Variants in ADGRL3 observed in about 807,000 individuals in gnomAD.
ADGRL3 encodes the protein calcium-independent alpha-latrotoxin receptor 3.
Under a neutral mutation model 153.5 loss-of-function variants are expected in ADGRL3, and 62 were observed. The ratio of observed to expected loss-of-function variants is 0.40; its 90% CI spans 0.33 to 0.50. ADGRL3 has a LOEUF of 0.50. Among genes scored for constraint, ADGRL3 ranks in the 20% least tolerant of loss-of-function variants. The pLI, the probability that ADGRL3 is intolerant of heterozygous loss-of-function variation, is 0.47. For missense variants in ADGRL3, 1,641 were observed against 1,859.4 expected (o/e 0.88, Z 2.16); for synonymous variants, 710 against 672.5 (o/e 1.06, Z -0.86).
At position 61,777,255 on chromosome 4, in the gene ADGRL3, C is replaced by G. The variant is rs138039916; in HGVS notation, c.1400-36554C>G. ...GGCTGAGGCAGGAGAATGGCCTGAA[C>G]CTGCGAGGCGGAGCTTTCAGTGAGC... On this transcript the variant is annotated intron_variant, in intron 8 of 26. Transcript: ENST00000683033. 5.9e-3 allele frequency among the ~76,000 whole-genome samples: 897 copies of G among 152,158 alleles called. 11 individuals carry two copies. The highest frequency in any genetic ancestry group is 0.02 in the African/African-American group (843 of 41,508).
At chr4:61,477,159 C>T (rs2098073816) in intron 2 of ADGRL3, among the ~76,000 whole-genome samples, 1 of 151,984 alleles carries the variant, frequency 6.6e-6, no homozygotes, top group African/African-American at 2.4e-5. Context: ...ATAGTTTGAG[C>T]CTCTATTCAA....
chr4:62,033,737 T>A (rs1291464513), intron 23 of ADGRL3, among the ~76,000 whole-genome samples: 10 of 151,778 alleles, frequency 6.6e-5, no homozygotes. Context: ...TATAGTAGAT[T>A]TATTTGCCTG....
chr4:61,866,253 TG>T (rs1309701317), intron 9 of ADGRL3, among the ~76,000 whole-genome samples: 6 of 152,202 alleles, frequency 3.9e-5, no homozygotes, highest in African/African-American at 1.4e-4. Context: ...TAAGCTTCCA[TG>T]AATCCCTTAT....
At chr4:61,592,029 A>T (rs1192422538) in intron 5 of ADGRL3, among the ~76,000 whole-genome samples, 1 of 150,454 alleles carries the variant, frequency 6.6e-6, no homozygotes, top group Admixed American at 6.7e-5. Flanking sequence ...GTGAGCTGTG[A>T]TCATAAAACC....
chr4:61,556,302 T>C (rs2098766357), intron 4 of ADGRL3, among the ~76,000 whole-genome samples: 1 of 152,082 alleles, frequency 6.6e-6, no homozygotes, highest in Non-Finnish European at 1.5e-5. Context: ...TTCTGAGCAA[T>C]GGCATATCTA....
In ADGRL3 at chr4:61,804,963, A is replaced by AT. The variant is rs370949071; in HGVS notation, c.1400-8836dup. 7.6e-3 allele frequency among the ~76,000 whole-genome samples: 1,101 copies of AT among 144,060 alleles called. 20 individuals carry two copies. Among genetic ancestry groups the AT allele is most frequent in the African/African-American group, 0.026 (1,007 of 39,014 alleles). 94.5% of individuals were successfully genotyped at this position (144,060 alleles called of 152,430 possible). On this transcript the variant is annotated intron_variant, in intron 8 of 26. Transcript: ENST00000683033. ...TTTATTTATTTATTTTTATTTATTTATTTTTTTTTTGAGACGGAGTCTCAT... is the reference window on the plus strand; with the variant it reads ...TTTATTTATTTATTTTTATTTATTTATTTTTTTTTTTGAGACGGAGTCTCAT...
intron 5 of ADGRL3, among the ~76,000 whole-genome samples, chr4:61,669,020 A>G (rs942584350): frequency 6.6e-6 from 1 of 152,140 alleles, no homozygotes; most frequent in African/African-American, 2.4e-5. Flanking sequence ...CCCTGTCTCA[A>G]AAAAAATTTT....
intron 5 of ADGRL3, among the ~76,000 whole-genome samples, chr4:61,643,467 A>G (rs2093791949): frequency 2.0e-5 from 3 of 151,892 alleles, no homozygotes; most frequent in African/African-American, 7.3e-5. Flanking sequence ...CGTCCCATCA[A>G]TACCTAATTT....
chr4:61,327,718 G>T (rs1417638716), intron 1 of ADGRL3, among the ~76,000 whole-genome samples: 1 of 151,898 alleles, frequency 6.6e-6, no homozygotes, highest in African/African-American at 2.4e-5. Context: ...TTGACAAAGA[G>T]AATTTGAAGA....
At chr4:61,452,193 C>T (rs2097683385) in intron 2 of ADGRL3, among the ~76,000 whole-genome samples, 3 of 152,072 alleles carry the variant, frequency 2.0e-5, no homozygotes, top group South Asian at 4.1e-4. Context: ...AATGAGTAGT[C>T]GATAATAGGG....
In ADGRL3 at chr4:61,983,511, G is replaced by A; in HGVS notation, c.3144G>A (p.Arg1048=). ...TTTTTGAGAGTGAACATTCACGTAG[G>A]AAATACTTTTATCTGGTCGGCTATG... The part of the protein sequence containing the change: ...VEVFESEHSR[R]KYFYLVGYGM... Residue 1048 remains arginine (R), a synonymous_variant, in exon 19 of 27, where the codon AGG becomes AGA. Transcript: ENST00000683033. The A allele has an allele frequency of 6.2e-7, 1 of 1,613,942 alleles. No individual in the cohort carries two copies.
At chr4:61,818,351 G>C (rs981353262) in intron 9 of ADGRL3, among the ~76,000 whole-genome samples, 2 of 152,168 alleles carry the variant, frequency 1.3e-5, no homozygotes, top group Admixed American at 6.5e-5. Flanking sequence ...GAGGTGGGTT[G>C]TCATGGTCTT....
intron 5 of ADGRL3, among the ~76,000 whole-genome samples, chr4:61,633,223 G>C (rs148891319): frequency 8.3e-6 from 1 of 119,770 alleles, no homozygotes; most frequent in African/African-American, 3.2e-5. Flanking sequence ...CTGTACCTGC[G>C]TTGCAGTTTG....
intron 2 of ADGRL3, among the ~76,000 whole-genome samples, chr4:61,446,190 CCTT>C (rs1477864928): frequency 6.6e-6 from 1 of 152,112 alleles, no homozygotes; most frequent in African/African-American, 2.4e-5. Flanking sequence ...CACTTGCTCT[CCTT>C]CTCCCTCTTT....
chr4:61,753,811 C>A (rs1380700281), intron 8 of ADGRL3, among the ~76,000 whole-genome samples: 1 of 152,134 alleles, frequency 6.6e-6, no homozygotes, highest in Non-Finnish European at 1.5e-5. Context: ...TACATTAGTG[C>A]AGCAAGAATG....
At chr4:61,967,868 A>G (rs1021578708) in intron 17 of ADGRL3, among the ~76,000 whole-genome samples, 3 of 152,206 alleles carry the variant, frequency 2.0e-5, no homozygotes, top group Admixed American at 2.0e-4. Context: ...TAATTTATAA[A>G]AAACAGAGAT....
Position 61,734,774 on chromosome 4 carries a change from A to G in ADGRL3, c.1399+1220A>G, listed in dbSNP as rs186672296. 5.8e-3 allele frequency among the ~76,000 whole-genome samples: 878 copies of G among 152,342 alleles called. 12 individuals are homozygous for G. The highest frequency in any genetic ancestry group is 0.02 in the African/African-American group (823 of 41,580). ...GAGGTGTCTGAATTTTGATGGTAAT[A>G]TAGCAATTCGAAAATTAAATTATTT... On this transcript the variant is annotated intron_variant, in intron 8 of 26. Coordinates refer to ENST00000683033, the MANE Select transcript of ADGRL3 (RefSeq NM_001387552.1).
chr4:61,214,272 AT>A (rs1286538816), intron 1 of ADGRL3, among the ~76,000 whole-genome samples: 1 of 152,154 alleles, frequency 6.6e-6, no homozygotes, highest in African/African-American at 2.4e-5. Context: ...CATACAGTGA[AT>A]TTTCTCCATG....
chr4:61,997,613 C>T (rs569187556), intron 20 of ADGRL3, among the ~76,000 whole-genome samples: 1 of 152,086 alleles, frequency 6.6e-6, no homozygotes, highest in East Asian at 1.9e-4. Flanking sequence ...TGTTTTGTTT[C>T]AAATTTTATG....
Sources: allele counts gnomAD v4.1 joint callset (sites outside exome capture counted in the v4.1 genomes callset), GRCh38; gene constraint gnomAD v4.1.1; transcripts MANE v1.5; gene names NCBI Gene and HGNC (gene_info 2026-07-23, HGNC 2026-07-21).